PTPRT: variants seen among roughly 807,000 people sequenced by gnomAD.
The protein encoded by PTPRT is protein tyrosine phosphatase receptor type T, also known as receptor-type tyrosine-protein phosphatase T.
In PTPRT, 56 loss-of-function variants were observed where a neutral mutation model predicts 176.8. The ratio of observed to expected loss-of-function variants is 0.32; its 90% confidence interval spans 0.26 to 0.40. The LOEUF is 0.40. Among genes scored for constraint, PTPRT ranks in the 10% least tolerant of loss-of-function variants. The pLI, the probability that PTPRT is intolerant of heterozygous loss-of-function variation, is 1.00. For synonymous variants in PTPRT, 783 were observed against 739.0 expected, an observed-to-expected ratio of 1.06 and a Z score of -0.96; for missense variants, 1,540 against 1,908.2, an observed-to-expected ratio of 0.81 and a Z score of 3.60.
chr20:43,016,924 C>T (rs370886156), intron 1 of PTPRT, among the ~76,000 whole-genome samples: 327 of 152,256 alleles, frequency 2.1e-3, no homozygotes, highest in Non-Finnish European at 3.9e-3. Flanking sequence ...TGGGTATTCC[C>T]CCATCTCTGT....
At chr20:42,894,774 A>C (rs531013409) in intron 1 of PTPRT, among the ~76,000 whole-genome samples, 1 of 152,336 alleles carries the variant, frequency 6.6e-6, no homozygotes, top group East Asian at 1.9e-4. Flanking sequence ...GCCCAGGCCC[A>C]GGATGCCAAT....
intron 9 of PTPRT, among the ~76,000 whole-genome samples, chr20:42,362,383 G>C (rs999298715): frequency 6.6e-6 from 1 of 151,584 alleles, no homozygotes; most frequent in Non-Finnish European, 1.5e-5. Context: ...GCATAATCTC[G>C]ATCTAATCGT....
At chr20:42,409,109 G>C (rs760641835) in intron 9 of PTPRT, among the ~76,000 whole-genome samples, 1 of 152,134 alleles carries the variant, frequency 6.6e-6, no homozygotes, top group Non-Finnish European at 1.5e-5. Context: ...TCTATTAAAC[G>C]TGGGCTTGTT....
At chr20:42,922,262 C>A (rs1433382452) in intron 1 of PTPRT, among the ~76,000 whole-genome samples, 3 of 152,148 alleles carry the variant, frequency 2.0e-5, no homozygotes, top group African/African-American at 7.2e-5. Flanking sequence ...AGCCTCCATG[C>A]TGGACTCTCT....
rs1362681816 is a variant in PTPRT at position 42,678,113 on chromosome 20, G to C, written c.906C>G (p.Ala302=). ...CATTTGGCTTGATCCACAGGTATGT[G>C]GCCCCCACAGCCAGCAGCTCTGGGG... ...IAPPELLAVG[A]TYLWIKPNAN... The change falls in exon 7 of 31, where the codon GCC becomes GCG. Residue 302 remains alanine, a synonymous_variant. Coordinates refer to ENST00000373187, the MANE Select transcript of PTPRT (RefSeq NM_007050.6). 1.2e-6 allele frequency: 2 copies of C among 1,613,946 alleles called. No individual in the cohort carries two copies. The highest frequency in any genetic ancestry group is 1.3e-5 in the African/African-American group (1 of 74,920).
intron 1 of PTPRT, among the ~76,000 whole-genome samples, chr20:43,101,551 G>A (rs137872193): frequency 6.6e-6 from 1 of 152,084 alleles, no homozygotes; most frequent in African/African-American, 2.4e-5. Flanking sequence ...AGTACAGGTA[G>A]TAAATTCTCA....
chr20:42,616,808 A>C (rs1238839097), intron 7 of PTPRT, among the ~76,000 whole-genome samples: 1 of 137,130 alleles, frequency 7.3e-6, no homozygotes, highest in Non-Finnish European at 1.5e-5. Flanking sequence ...GAATTTGCTG[A>C]AGTTGCTTAA....
intron 1 of PTPRT, among the ~76,000 whole-genome samples, chr20:42,952,274 A>G (rs1191217734): frequency 6.6e-6 from 1 of 152,246 alleles, no homozygotes; most frequent in Non-Finnish European, 1.5e-5. Flanking sequence ...TGGCGCAATC[A>G]CCAAAATTGA....
chr20:42,643,438 C>T (rs1389492061), intron 7 of PTPRT, among the ~76,000 whole-genome samples: 1 of 152,088 alleles, frequency 6.6e-6, no homozygotes, highest in African/African-American at 2.4e-5. Flanking sequence ...CTCCTGTCCT[C>T]AGCCTCCTGA....
In PTPRT at chr20:42,487,715, C is replaced by T. The variant is rs181438878; in HGVS notation, c.1154-15153G>A. 8.3e-4 allele frequency among the ~76,000 whole-genome samples: 127 copies of T among 152,244 alleles called. No individual in the cohort carries two copies. The East Asian group carries it at 8.9e-3, about 11-fold the overall frequency. On this transcript the variant is annotated intron_variant, in intron 7 of 30. Coordinates refer to ENST00000373187, the MANE Select transcript of PTPRT (RefSeq NM_007050.6). ...GAAACAGATTCTCCCCCAGAGTCGA[C>T]GGAAGGAACACAGCCCTGCAGACCT...
chr20:42,930,965 C>A (rs906762363), intron 1 of PTPRT, among the ~76,000 whole-genome samples: 9 of 151,988 alleles, frequency 5.9e-5, no homozygotes, highest in Non-Finnish European at 1.3e-4. Context: ...CAACAAAAAA[C>A]TCCTTATCTT....
intron 9 of PTPRT, among the ~76,000 whole-genome samples, chr20:42,436,349 A>C (rs1009065740): frequency 1.3e-5 from 2 of 152,214 alleles, no homozygotes; most frequent in African/African-American, 4.8e-5. Context: ...ATATTATAAA[A>C]CTATTACATA....
chr20:42,629,418 G>A (rs948594831), intron 7 of PTPRT, among the ~76,000 whole-genome samples: 29 of 152,158 alleles, frequency 1.9e-4, no homozygotes, highest in Non-Finnish European at 2.2e-4. Context: ...CCAACTAGGT[G>A]AGTGCTATTG....
intron 7 of PTPRT, among the ~76,000 whole-genome samples, chr20:42,572,496 T>C (rs906688843): frequency 6.6e-6 from 1 of 152,028 alleles, no homozygotes; most frequent in African/African-American, 2.4e-5. Context: ...TCCAGGGCCC[T>C]GGCACATGCC....
intron 2 of PTPRT, among the ~76,000 whole-genome samples, chr20:42,860,329 T>C (rs1310243419): frequency 3.9e-5 from 6 of 152,246 alleles, no homozygotes; most frequent in Non-Finnish European, 8.8e-5. Context: ...TCAGGATATA[T>C]TTCTAAAACT....
chr20:42,891,744 A>G (rs2079196306), intron 1 of PTPRT, among the ~76,000 whole-genome samples: 1 of 152,234 alleles, frequency 6.6e-6, no homozygotes, highest in South Asian at 2.1e-4. Flanking sequence ...TAGAGGAACT[A>G]AAAGATTCGT....
At position 42,091,554 on chromosome 20, in the gene PTPRT, C is replaced by A. The variant is rs145441830; in HGVS notation, c.3847-5701G>T. On this transcript the variant is annotated intron_variant, in intron 27 of 30. Transcript: ENST00000373187. ...AGGACTTTATTTATTAAGGCCCCTG[C>A]GACCCAGAGTGAAGAAATCAATCCC... 1.9e-3 allele frequency among the ~76,000 whole-genome samples: 296 copies of A among 152,238 alleles called. 9 individuals carry two copies. The East Asian group carries it at 0.047, about 24-fold the overall frequency.
chr20:43,155,376 C>A (rs112343362), intron 1 of PTPRT, among the ~76,000 whole-genome samples: 2,360 of 152,214 alleles, frequency 0.016, 58 homozygotes, highest in African/African-American at 0.053. Context: ...TCACTTGCAA[C>A]AATGTGGATA....
At chr20:42,470,754 T>G (rs938926801) in intron 8 of PTPRT, among the ~76,000 whole-genome samples, 1 of 151,956 alleles carries the variant, frequency 6.6e-6, no homozygotes, top group Admixed American at 6.6e-5. Context: ...AATAGAGGTT[T>G]CCTTGCAAAC....
Sources: gnomAD v4.1 joint callset for allele counts (sites outside exome capture counted in the v4.1 genomes callset) on GRCh38, gnomAD v4.1.1 for gene constraint, MANE v1.5 for transcripts, NCBI Gene and HGNC (gene_info 2026-07-23, HGNC 2026-07-21) for gene names.